The following DYNC1I2 variants were observed in gnomAD, a reference collection of about 807,000 sequenced individuals.
The protein encoded by DYNC1I2 is cytoplasmic dynein 1 intermediate chain 2.
A neutral mutation model predicts 88.6 loss-of-function variants in DYNC1I2; 53 were observed. The observed-to-expected ratio is 0.60, with a 90% CI of 0.48 to 0.75. DYNC1I2 has a LOEUF of 0.75. Ranked by LOEUF, DYNC1I2 falls within the 30% of genes least tolerant of loss-of-function variation. DYNC1I2 has a pLI of 0.00. For missense variants in DYNC1I2, 458 were observed against 766.6 expected (o/e 0.60, Z 4.75); for synonymous variants, 198 against 254.6 (o/e 0.78, Z 2.12).
chr2:171,723,465 T>C (rs1174616793), intron 7 of DYNC1I2, among the ~76,000 whole-genome samples: 1 of 152,238 alleles, frequency 6.6e-6, no homozygotes, highest in Non-Finnish European at 1.5e-5. Context: ...AGACAGCTTG[T>C]AAGTTAAATG....
chr2:171,713,175 G>A (rs1687249201), intron 6 of DYNC1I2, among the ~76,000 whole-genome samples: 2 of 151,974 alleles, frequency 1.3e-5, no homozygotes, highest in South Asian at 2.1e-4. Context: ...TTATTTTTCT[G>A]TATTAAAATT....
chr2:171,734,124 C>T (rs1274207096), intron 15 of DYNC1I2, among the ~76,000 whole-genome samples: 1 of 152,074 alleles, frequency 6.6e-6, no homozygotes, highest in Non-Finnish European at 1.5e-5. Flanking sequence ...GGTCTTATTT[C>T]TGGGTTCCCT....
chr2:171,727,328 G>C (rs971073688), intron 11 of DYNC1I2, among the ~76,000 whole-genome samples: 3 of 152,156 alleles, frequency 2.0e-5, no homozygotes, highest in African/African-American at 7.2e-5. Context: ...GTTTTAAGTA[G>C]AAACATATGG....
At chr2:171,732,064 T>C (rs961538425) in intron 15 of DYNC1I2, among the ~76,000 whole-genome samples, 1 of 152,214 alleles carries the variant, frequency 6.6e-6, no homozygotes, top group Non-Finnish European at 1.5e-5. Flanking sequence ...CTTGTTTTTA[T>C]GATTCTTTCT....
At chr2:171,734,349 T>C (rs147922005) in intron 15 of DYNC1I2, among the ~76,000 whole-genome samples, 147 of 152,326 alleles carry the variant, frequency 9.7e-4, no homozygotes, top group Admixed American at 1.9e-3. Context: ...ATACTTGCTT[T>C]TGTGGTACTA....
chr2:171,727,543 A>G (rs1482391208), intron 11 of DYNC1I2, among the ~76,000 whole-genome samples: 2 of 152,162 alleles, frequency 1.3e-5, no homozygotes, highest in Non-Finnish European at 2.9e-5. Flanking sequence ...TTAATACTGT[A>G]GTTAACTGAA....
At chr2:171,737,678 C>A (rs1407500473) in intron 15 of DYNC1I2, among the ~76,000 whole-genome samples, 1 of 152,152 alleles carries the variant, frequency 6.6e-6, no homozygotes, top group Non-Finnish European at 1.5e-5. Flanking sequence ...CTCGGGCTCC[C>A]AAAGTGGTTG....
intron 15 of DYNC1I2, among the ~76,000 whole-genome samples, chr2:171,738,047 C>G (rs764407187): frequency 1.6e-4 from 25 of 151,950 alleles, no homozygotes; most frequent in Non-Finnish European, 2.8e-4. Context: ...GTAGAAAATA[C>G]TCAGCCAGGC....
At chr2:171,728,597 A>C in intron 13 of DYNC1I2, 120 bp from the exon 14 acceptor site, 2 of 1,009,360 alleles carry the variant, frequency 2.0e-6, no homozygotes, top group Non-Finnish European at 2.8e-6. Flanking sequence ...AACCTGCTTC[A>C]TTTAATTTAG....
Position 171,750,086 on chromosome 2 carries a change from G to A in DYNC1I2, c.*2197G>A, listed in dbSNP as rs568722893. On this transcript the variant is annotated 3_prime_UTR_variant, in exon 18 of 18. Transcript: ENST00000397119. ...TTGTCTTTTTGAGTGGAACGTTAAA[G>A]TTTATTACCTTCATGTTAAGGAATA... Among the ~76,000 whole-genome samples, 1 of 152,058 alleles carries A rather than the reference G, an allele frequency of 6.6e-6. No individual in the cohort carries two copies. Among genetic ancestry groups the A allele is most frequent in the Non-Finnish European group, 1.5e-5 (1 of 67,996 alleles).
intron 3 of DYNC1I2, among the ~76,000 whole-genome samples, chr2:171,706,089 T>C (rs1350649288): frequency 2.0e-5 from 3 of 152,088 alleles, no homozygotes; most frequent in African/African-American, 4.8e-5. Context: ...CATTTAGACA[T>C]AATTTTAAGG....
At chr2:171,747,745 T>C in intron 17 of DYNC1I2, 31 bp from the exon 18 acceptor site, 1 of 1,420,952 alleles carries the variant, frequency 7.0e-7, no homozygotes, top group South Asian at 1.2e-5. Context: ...TTTATTTCAT[T>C]GTATATAAAA....
chr2:171,736,733 G>A (rs1211560867), intron 15 of DYNC1I2, among the ~76,000 whole-genome samples: 1 of 152,124 alleles, frequency 6.6e-6, no homozygotes, highest in Non-Finnish European at 1.5e-5. Flanking sequence ...GTCTCAAAAA[G>A]TTAATATATT....
intron 17 of DYNC1I2, among the ~76,000 whole-genome samples, chr2:171,747,403 T>C (rs1414817562): frequency 6.6e-6 from 1 of 151,740 alleles, no homozygotes; most frequent in Non-Finnish European, 1.5e-5. Context: ...TTATGAACCA[T>C]GCTTCAAACA....
At chr2:171,735,001 A>G (rs903437300) in intron 15 of DYNC1I2, among the ~76,000 whole-genome samples, 1 of 152,210 alleles carries the variant, frequency 6.6e-6, no homozygotes, top group African/African-American at 2.4e-5. Context: ...CAGACTTTAA[A>G]TGTTTTGCTT....
At chr2:171,710,104 T>C (rs1311404158) in intron 5 of DYNC1I2, among the ~76,000 whole-genome samples, 1 of 145,432 alleles carries the variant, frequency 6.9e-6, no homozygotes, top group African/African-American at 2.6e-5. Flanking sequence ...GCTGAGTATA[T>C]TCATTTTTAT....
At chr2:171,710,861 C>G (rs1687072659) in intron 5 of DYNC1I2, among the ~76,000 whole-genome samples, 1 of 149,484 alleles carries the variant, frequency 6.7e-6, no homozygotes, top group Admixed American at 6.7e-5. Flanking sequence ...TGTCACCATA[C>G]CCAGCTACTT....
In DYNC1I2 at chr2:171,728,370, T is replaced by C; in HGVS notation, c.1209T>C (p.Thr403=). ...CTCACAATCTGATTAGCATCTCTAC[T>C]GATGGAAAAATTTGTTCATGGAGTC... ...QNAHNLISIS[T]DGKICSWSLD... Residue 403 remains threonine, a synonymous_variant, in exon 13 of 18, where the codon ACT becomes ACC. Transcript: ENST00000397119. 1 of 1,607,922 alleles carries C rather than the reference T, an allele frequency of 6.2e-7. No homozygotes were observed. Among genetic ancestry groups the C allele is most frequent in the Non-Finnish European group, 8.5e-7 (1 of 1,177,750 alleles).
chr2:171,747,524 A>G (rs1689882786), intron 17 of DYNC1I2, among the ~76,000 whole-genome samples: 1 of 152,126 alleles, frequency 6.6e-6, no homozygotes, highest in African/African-American at 2.4e-5. Flanking sequence ...ACAAAGCATC[A>G]TTGTTATTCT....
Sources: gnomAD v4.1 joint callset for allele counts (sites outside exome capture counted in the v4.1 genomes callset) on GRCh38, gnomAD v4.1.1 for gene constraint, MANE v1.5 for transcripts, NCBI Gene and HGNC (gene_info 2026-07-23, HGNC 2026-07-21) for gene names.